NRDC: variants seen among roughly 807,000 people sequenced by gnomAD.
NRDC encodes the protein nardilysin convertase.
Under a neutral mutation model 147.1 loss-of-function variants are expected in NRDC, and 54 were observed. The ratio of observed to expected loss-of-function variants is 0.37; its 90% confidence interval spans 0.29 to 0.46. The LOEUF (loss-of-function observed/expected upper bound fraction) is 0.46, where lower values mean the gene tolerates loss of function less well. NRDC is among the 20% of genes least tolerant of loss of function. The pLI, the probability that NRDC is intolerant of heterozygous loss-of-function variation, is 1.00. For synonymous variants in NRDC, 440 were observed against 482.1 expected (o/e 0.91, Z 1.14); for missense variants, 1,082 against 1,370.6 (o/e 0.79, Z 3.33).
At chr1:51,871,553 T>C (rs1683088677) in intron 1 of NRDC, among the ~76,000 whole-genome samples, 1 of 119,138 alleles carries the variant, frequency 8.4e-6, no homozygotes, top group Admixed American at 1.0e-4. Context: ...AAAGCCACTA[T>C]CACCTGCTTC....
intron 1 of NRDC, among the ~76,000 whole-genome samples, chr1:51,868,584 T>G (rs1317927663): frequency 6.6e-6 from 1 of 152,200 alleles, no homozygotes; most frequent in Non-Finnish European, 1.5e-5. Context: ...GTAGTAACAG[T>G]ACTGTCTGGC....
chr1:51,851,191 T>TG (rs749800760), intron 1 of NRDC, among the ~76,000 whole-genome samples: 1 of 151,980 alleles, frequency 6.6e-6, no homozygotes, highest in Non-Finnish European at 1.5e-5. Flanking sequence ...TTTTGGTAAG[T>TG]GGGGGGTTGA....
In NRDC at chr1:51,821,560, AGAGGG is replaced by A; in HGVS notation, c.1160-10_1160-6del. 6.2e-7 allele frequency: 1 copy of A among 1,600,698 alleles called. No individual in the cohort carries two copies. On this transcript the variant is annotated splice_region_variant and splice_polypyrimidine_tract_variant and intron_variant, in intron 7 of 30. Coordinates refer to ENST00000352171, the MANE Select transcript of NRDC (RefSeq NM_001101662.2). ...TTTCCAAAGTATCCAGTGTTTCTTG[AGAGGG>A]GAGGGCAGGGAAGAGACAGGAAAAT...
At chr1:51,827,709 G>C in intron 5 of NRDC, 87 bp downstream of exon 5, 2 of 967,464 alleles carry the variant, frequency 2.1e-6, no homozygotes, top group South Asian at 2.8e-5. Context: ...AAGATAAAAT[G>C]GTCTAGAGAT....
chr1:51,831,258 G>C (rs1680694170), intron 4 of NRDC, among the ~76,000 whole-genome samples: 1 of 152,162 alleles, frequency 6.6e-6, no homozygotes. Flanking sequence ...GAGATGGCCA[G>C]AATGTATTCA....
At chr1:51,865,178 AAAAG>A (rs1205481133) in intron 1 of NRDC, among the ~76,000 whole-genome samples, 1 of 152,130 alleles carries the variant, frequency 6.6e-6, no homozygotes, top group Non-Finnish European at 1.5e-5. Flanking sequence ...CAAATTTATA[AAAAG>A]AAAAAACAAC....
chr1:51,852,624 C>T (rs561536489), intron 1 of NRDC, among the ~76,000 whole-genome samples: 2 of 9,918 alleles, frequency 2.0e-4, no homozygotes, highest in Non-Finnish European at 5.2e-4. Flanking sequence ...TTATGTGAGC[C>T]TCCATGCCCG....
chr1:51,820,194 C>A (rs777516690), intron 8 of NRDC, among the ~76,000 whole-genome samples: 4 of 152,150 alleles, frequency 2.6e-5, no homozygotes, highest in Non-Finnish European at 4.4e-5. Context: ...CAAAGCCATT[C>A]CAGAAAGAAA....
chr1:51,867,763 G>C (rs1371598249), intron 1 of NRDC, among the ~76,000 whole-genome samples: 1 of 152,216 alleles, frequency 6.6e-6, no homozygotes, highest in Non-Finnish European at 1.5e-5. Context: ...AATAGTGGCA[G>C]AAGTCTACTC....
chr1:51,807,233 C>T (rs150669221), intron 17 of NRDC, among the ~76,000 whole-genome samples: 75 of 152,324 alleles, frequency 4.9e-4, no homozygotes, highest in African/African-American at 1.6e-3. Flanking sequence ...ATTTATTAAA[C>T]AATCCATTAA....
At position 51,816,368 on chromosome 1, in the gene NRDC, T is replaced by C; in HGVS notation, c.1383A>G (p.Ile461Met). 1 of 1,601,444 alleles carries C rather than the reference T, an allele frequency of 6.2e-7. No individual in the cohort carries two copies. Among genetic ancestry groups the C allele is most frequent in the Non-Finnish European group, 8.5e-7 (1 of 1,173,640 alleles). The change falls in exon 11 of 31, where the codon ATA becomes ATG. Residue 461 changes from isoleucine to methionine, a missense_variant. Ile to Met is a conservative substitution (Grantham distance 10). This residue lies in a region of NRDC where 635 missense variants were observed against 923.8 expected (regional missense o/e 0.69). Transcript: ENST00000352171. ...TGCCTTCATGTCCAACCAGCCAGGA[T>C]ATATAATGAAGTGGCTTCACCCTTT... ...QHYRVKPLHY[I>M]SWLVGHEGKG...
intron 29 of NRDC, 59 bp downstream of exon 29, chr1:51,790,474 G>T (rs1678565047): frequency 9.8e-7 from 1 of 1,018,898 alleles, no homozygotes; most frequent in Non-Finnish European, 1.6e-6. Context: ...GACCTGTGAT[G>T]CCTGTAGAAT....
At chr1:51,877,914 C>T (rs1683413178) in intron 1 of NRDC, 2 of 665,646 alleles carry the variant, frequency 3.0e-6, no homozygotes, top group African/African-American at 1.9e-5. Flanking sequence ...CTTAAATATC[C>T]TGTCCTCCAA....
At chr1:51,841,433 G>C (rs1335447739) in intron 1 of NRDC, among the ~76,000 whole-genome samples, 1 of 152,062 alleles carries the variant, frequency 6.6e-6, no homozygotes, top group Non-Finnish European at 1.5e-5. Flanking sequence ...TCAGTCTCCA[G>C]AGTAGCTGGG....
At chr1:51,802,866 A>G (rs1421494951) in intron 20 of NRDC, among the ~76,000 whole-genome samples, 2 of 152,156 alleles carry the variant, frequency 1.3e-5, no homozygotes, top group Non-Finnish European at 1.5e-5. Context: ...TATATATTCT[A>G]CCCAAGAAAC....
chr1:51,878,339 C>T lies in NRDC; in HGVS notation c.277G>A (p.Gly93Arg). 2 of 1,614,172 alleles carry T rather than the reference C, an allele frequency of 1.2e-6. No individual in the cohort carries two copies. The highest frequency in any genetic ancestry group is 1.7e-6 in the Non-Finnish European group (2 of 1,180,028). Residue 93 changes from glycine to arginine, a missense_variant, in exon 1 of 31, where the codon GGG becomes AGG. By Grantham distance (125) the Gly-to-Arg change is moderately radical (BLOSUM62 -2). This residue lies in a region of NRDC where 260 missense variants were observed against 253.2 expected (regional missense o/e 1.03). Transcript: ENST00000352171. ...GGGTCCCCAGCATTACTGAGAGACC[C>T]CCTCCGTCCCTCTTCCTCAGATTCA... is the stretch of plus-strand genomic sequence containing the variant. The part of the protein sequence containing the change: ...ADESEEEGRR[G>R]SLSNAGDPEI...
intron 4 of NRDC, among the ~76,000 whole-genome samples, chr1:51,831,915 G>A (rs568073903): frequency 4.6e-5 from 7 of 151,774 alleles, no homozygotes; most frequent in East Asian, 3.9e-4. Flanking sequence ...GCAACAGAGT[G>A]AGACTGTCTC....
At chr1:51,878,196 T>C in intron 1 of NRDC, 79 bp downstream of exon 1, 2 of 1,495,492 alleles carry the variant, frequency 1.3e-6, no homozygotes, top group South Asian at 2.5e-5. Flanking sequence ...TTGGGAGACA[T>C]GGAGACAAGA....
intron 2 of NRDC, chr1:51,836,478 G>T (rs777200813): frequency 6.4e-7 from 1 of 1,557,136 alleles, no homozygotes. Flanking sequence ...AAAAAGGGAA[G>T]AGGGACTGGA....
Sources: allele counts gnomAD v4.1 joint callset (sites outside exome capture counted in the v4.1 genomes callset), GRCh38; gene constraint gnomAD v4.1.1; regional missense constraint gnomAD v4.1.1; transcripts MANE v1.5; gene names NCBI Gene and HGNC (gene_info 2026-07-23, HGNC 2026-07-21).